The following ING1 variants were observed in gnomAD, a reference collection of about 807,000 sequenced individuals.
The protein encoded by ING1 is inhibitor of growth protein 1.
Under a neutral mutation model 23.1 loss-of-function variants are expected in ING1, and 4 were observed. That is an observed-to-expected ratio of 0.17 (90% confidence interval 0.09 to 0.40). The LOEUF is 0.40. ING1 is among the 10% of genes least tolerant of loss of function. The pLI is 1.00. For synonymous variants in ING1, 179 were observed against 166.4 expected (o/e 1.08, Z -0.58); for missense variants, 256 against 393.8 (o/e 0.65, Z 2.96).
intron 1 of ING1, among the ~76,000 whole-genome samples, chr13:110,717,855 C>T (rs2064137345): frequency 6.6e-6 from 1 of 152,082 alleles, no homozygotes; most frequent in African/African-American, 2.4e-5. Context: ...AGTATTGTTG[C>T]CTTGTTTAAA....
upstream of ING1, chr13:110,713,018 A>G (rs2064053090): frequency 2.6e-6 from 4 of 1,514,778 alleles, no homozygotes; most frequent in Non-Finnish European, 1.8e-6. Flanking sequence ...CTCAAAGGAC[A>G]CCGAGAGGGT....
chr13:110,713,840 T>G lies in ING1; in HGVS notation c.-310T>G. ...GCGGCGCTGGGCCCTCTCCCGCCGGTGTGTGCGCGCTCGTACGCGCGGCCC... is the reference window on the plus strand; with the variant it reads ...GCGGCGCTGGGCCCTCTCCCGCCGGGGTGTGCGCGCTCGTACGCGCGGCCC... On this transcript the variant is annotated 5_prime_UTR_variant, in exon 1 of 2. Coordinates refer to ENST00000333219, the MANE Select transcript of ING1 (RefSeq NM_198219.3). The G allele has an allele frequency of 5.1e-6, 5 of 982,370 alleles. No individual in the cohort carries two copies. The highest frequency in any genetic ancestry group is 6.0e-6 in the Non-Finnish European group (5 of 828,670). The allele number at this position is 982,370 out of a possible 1,614,324, so 60.9% of individuals were successfully genotyped here. A position where few individuals can be genotyped will look rare whatever the true frequency, so the allele number is the denominator to read the frequency against.
rs1276797338 is a variant in ING1 at position 110,722,559 on chromosome 13, G to A, written c.*2627G>A. The stretch of plus-strand genomic sequence containing the variant: ...CCAAGCCTTGCAATCTAGGAGCCCA[G>A]CCCTGTCCTTTAAGGGCTTGATCTT... On this transcript the variant is annotated 3_prime_UTR_variant, in exon 2 of 2. Transcript: ENST00000333219. The A allele has an allele frequency of 2.3e-5, 2 of 85,254 alleles. No individual in the cohort carries two copies. The highest frequency in any genetic ancestry group is 5.9e-5 in the African/African-American group (2 of 33,652). The allele number at this position is 85,254 out of a possible 1,614,324, so 5.3% of individuals were successfully genotyped here.
chr13:110,714,140 G>C lies in ING1; in HGVS notation c.-10G>C, dbSNP rs1216493831. On this transcript the variant is annotated 5_prime_UTR_variant, in exon 1 of 2. Transcript: ENST00000333219. ...CCGCGCCGAGTCGCCGGGGACCTCC[G>C]GGGTGAACCATGTTGAGTCCTGCCA... The C allele has an allele frequency of 3.3e-6, 5 of 1,526,736 alleles. No homozygotes were observed. Among genetic ancestry groups the C allele is most frequent in the Non-Finnish European group, 4.4e-6 (5 of 1,136,518 alleles). 94.6% of individuals were successfully genotyped at this position (1,526,736 alleles called of 1,614,324 possible).
At position 110,719,705 on chromosome 13, in the gene ING1, A is replaced by G; in HGVS notation, c.613A>G (p.Ile205Val). 1 of 1,613,932 alleles carries G rather than the reference A, an allele frequency of 6.2e-7. No homozygotes were observed. ...AGAGGCGTCCCCTGCCGACCTCCCC[A>G]TCGACCCCAACGAACCCACGTACTG... is the stretch of plus-strand genomic sequence containing the variant. ...EREASPADLP[I>V]DPNEPTYCLC... The change falls in exon 2 of 2, where the codon ATC becomes GTC. Residue 205 changes from isoleucine (I) to valine (V), a missense_variant. Coordinates refer to ENST00000333219, the MANE Select transcript of ING1 (RefSeq NM_198219.3). The surrounding 1 kb of genome is among the most constrained non-coding windows in gnomAD (Gnocchi z 8.9).
At chr13:110,713,284 T>TG (rs1468906923), upstream of ING1, 1 of 1,281,066 alleles carries the variant, frequency 7.8e-7, no homozygotes, top group Non-Finnish European at 9.9e-7. Flanking sequence ...AGGAGCGAGT[T>TG]GCGGTAGTTG....
In ING1 at chr13:110,719,755, G is replaced by A. The variant is rs760010029; in HGVS notation, c.663G>A (p.Gly221=). 1.2e-6 allele frequency: 2 copies of A among 1,614,016 alleles called. No homozygotes were observed. The highest frequency in any genetic ancestry group is 1.1e-5 in the South Asian group (1 of 91,064). The change falls in exon 2 of 2, where the codon GGG becomes GGA. Residue 221 remains glycine (G), a synonymous_variant. Transcript: ENST00000333219. This position sits in a 1 kb window ranked among gnomAD's most constrained non-coding sequence, Gnocchi z 8.9. ...GTCTGTGCAACCAGGTCTCCTATGG[G>A]GAGATGATCGGCTGCGACAACGACG... ...TYCLCNQVSY[G]EMIGCDNDEC... is the part of the protein sequence containing the mutation.
Position 110,721,082 on chromosome 13 carries a change from T to A in ING1, c.*1150T>A, listed in dbSNP as rs944413286. 10 of 167,036 alleles carry A rather than the reference T, an allele frequency of 6.0e-5. No homozygotes were observed. The highest frequency in any genetic ancestry group is 1.5e-4 in the Non-Finnish European group (10 of 68,130). 10.3% of individuals were successfully genotyped at this position (167,036 alleles called of 1,614,324 possible). On this transcript the variant is annotated 3_prime_UTR_variant, in exon 2 of 2. Transcript: ENST00000333219. ...AAGTTTCAGCGGAACACAGCCGTGC[T>A]TATGTGCGTATGTATTGTCTGACTG...
chr13:110,712,760 C>T (rs1331515436), upstream of ING1: 1 of 705,810 alleles, frequency 1.4e-6, no homozygotes. Flanking sequence ...GTCCATGACA[C>T]AGGGCGGGAA....
chr13:110,716,679 T>A (rs2139971455), intron 1 of ING1, among the ~76,000 whole-genome samples: 1 of 152,354 alleles, frequency 6.6e-6, no homozygotes, highest in East Asian at 1.9e-4. Context: ...AAAATACATT[T>A]AAAATAATTG....
Position 110,720,055 on chromosome 13 carries a change from A to G in ING1, c.*123A>G, listed in dbSNP as rs558084786. The G allele has an allele frequency of 7.8e-5, 56 of 720,052 alleles. No individual in the cohort carries two copies. Among genetic ancestry groups the G allele is most frequent in the Non-Finnish European group, 1.2e-4 (53 of 454,762 alleles). The allele number at this position is 720,052 out of a possible 1,614,324, so 44.6% of individuals were successfully genotyped here. A position where few individuals can be genotyped will look rare whatever the true frequency, so the allele number is the denominator to read the frequency against. On this transcript the variant is annotated 3_prime_UTR_variant, in exon 2 of 2. Coordinates refer to ENST00000333219, the MANE Select transcript of ING1 (RefSeq NM_198219.3). ...TTTAAAGAATGTTAGTAAAGGAACC[A>G]TTCCTTTCATAGGGATGGCAGTGAT...
At position 110,714,121 on chromosome 13, in the gene ING1, C is replaced by A. The variant is rs1361439399; in HGVS notation, c.-29C>A. Reference sequence around the variant, plus strand: ...GGGTGGAGGAAGCGGAAAGCCGCGCCGAGTCGCCGGGGACCTCCGGGGTGA... The same window carrying A: ...GGGTGGAGGAAGCGGAAAGCCGCGCAGAGTCGCCGGGGACCTCCGGGGTGA... On this transcript the variant is annotated 5_prime_UTR_variant, in exon 1 of 2. Coordinates refer to ENST00000333219, the MANE Select transcript of ING1 (RefSeq NM_198219.3). 7 of 1,506,128 alleles carry A rather than the reference C, an allele frequency of 4.6e-6. No homozygotes were observed. Among genetic ancestry groups the A allele is most frequent in the Non-Finnish European group, 6.2e-6 (7 of 1,124,714 alleles). The allele number at this position is 1,506,128 out of a possible 1,614,324, so 93.3% of individuals were successfully genotyped here.
upstream of ING1, chr13:110,712,628 T>C (rs1465113796): frequency 2.0e-6 from 1 of 493,766 alleles, no homozygotes; most frequent in South Asian, 1.9e-5. Flanking sequence ...TTTGGGAGGG[T>C]AGAGGGGCGA....
Position 110,722,783 on chromosome 13 carries a change from G to C in ING1, c.*2851G>C. On this transcript the variant is annotated 3_prime_UTR_variant, in exon 2 of 2. Coordinates refer to ENST00000333219, the MANE Select transcript of ING1 (RefSeq NM_198219.3). ...ATAGATACAATACAGAGTCGTGTTG[G>C]ACTGGCAGTCTTAAATCACTCTTGT... 1 of 152,028 alleles carries C rather than the reference G, an allele frequency of 6.6e-6. No individual in the cohort carries two copies. The highest frequency in any genetic ancestry group is 1.9e-4 in the East Asian group (1 of 5,190). The allele number at this position is 152,028 out of a possible 1,614,324, so 9.4% of individuals were successfully genotyped here.
intron 1 of ING1, among the ~76,000 whole-genome samples, chr13:110,718,221 G>A (rs983557959): frequency 2.6e-5 from 4 of 152,142 alleles, no homozygotes; most frequent in African/African-American, 9.7e-5. Flanking sequence ...TACCAGCTTC[G>A]CTTTAAAGCA....
At chr13:110,715,154 T>C in intron 1 of ING1, 1 of 1,162,190 alleles carries the variant, frequency 8.6e-7, no homozygotes. Context: ...AATTGTTGGC[T>C]GTTGGGGAAA....
Position 110,719,534 on chromosome 13 carries a change from A to G in ING1, c.442A>G (p.Lys148Glu). 2 of 1,610,880 alleles carry G rather than the reference A, an allele frequency of 1.2e-6. No individual in the cohort carries two copies. The highest frequency in any genetic ancestry group is 1.1e-5 in the South Asian group (1 of 90,906). ...AGCGCAGGCTGACAAGCCCAACAGCAAGCGCTCACGGCGGCAGCGCAACAA... is the reference window on the plus strand; with the variant it reads ...AGCGCAGGCTGACAAGCCCAACAGCGAGCGCTCACGGCGGCAGCGCAACAA... The part of the protein sequence containing the change: ...AAAQADKPNS[K>E]RSRRQRNNEN... The change falls in exon 2 of 2, where the codon AAG becomes GAG. Residue 148 changes from lysine (K) to glutamate (E), a missense_variant. Lys to Glu is a moderately conservative substitution (Grantham distance 56, BLOSUM62 1). Around this residue, in one of 3 missense-constraint regions of ING1, gnomAD observed 209 missense variants for 273.8 expected, o/e 0.76. Coordinates refer to ENST00000333219, the MANE Select transcript of ING1 (RefSeq NM_198219.3). The surrounding 1 kb of genome is among the most constrained non-coding windows in gnomAD (Gnocchi z 8.9).
chr13:110,715,849 G>C (rs570284846), intron 1 of ING1: 14 of 1,593,946 alleles, frequency 8.8e-6, no homozygotes, highest in Admixed American at 5.2e-5. Context: ...GGCCACTTTC[G>C]GGCGCGGATT....
chr13:110,715,366 G>A, intron 1 of ING1: 1 of 1,494,154 alleles, frequency 6.7e-7, no homozygotes, highest in Non-Finnish European at 8.9e-7. Context: ...CCGAGACGTA[G>A]CTTCGCAGCG....
Sources: gnomAD v4.1 joint callset for allele counts (sites outside exome capture counted in the v4.1 genomes callset) on GRCh38, gnomAD v4.1.1 for gene constraint, gnomAD v4.1.1 regional missense constraint, Gnocchi (gnomAD v3.1) non-coding constraint, MANE v1.5 for transcripts, NCBI Gene and HGNC (gene_info 2026-07-23, HGNC 2026-07-21) for gene names.